ICA1: variants seen among roughly 807,000 people sequenced by gnomAD.
The protein encoded by ICA1 is islet cell autoantigen 1.
ICA1 carries 40 observed loss-of-function variants against 71.0 expected under a neutral mutation model. That is an observed-to-expected ratio of 0.56 (90% CI 0.44 to 0.73). The LOEUF (loss-of-function observed/expected upper bound fraction) is 0.73, where lower values mean the gene tolerates loss of function less well. Ranked by LOEUF, ICA1 falls within the 30% of genes least tolerant of loss-of-function variation. The probability of loss-of-function intolerance (pLI) is 0.00; values close to 1 mark genes in which losing one functional copy is unlikely to be tolerated. For synonymous variants in ICA1, 207 were observed against 209.5 expected (o/e 0.99, Z 0.10); for missense variants, 578 against 576.5 (o/e 1.00, Z -0.03).
intron 1 of ICA1, among the ~76,000 whole-genome samples, chr7:8,247,896 A>G (rs753520642): frequency 1.3e-5 from 2 of 152,192 alleles, no homozygotes; most frequent in Non-Finnish European, 1.5e-5. Flanking sequence ...TCATTCCACT[A>G]TATTGGTATT....
Position 8,222,455 on chromosome 7 carries a change from T to C in ICA1, c.257-1057A>G, listed in dbSNP as rs535857564. Among the ~76,000 whole-genome samples the C allele has an allele frequency of 3.9e-4, 59 of 152,336 alleles. No homozygotes were observed. The South Asian group carries it at 0.012, about 30-fold the overall frequency. On this transcript the variant is annotated intron_variant, in intron 4 of 13. Coordinates refer to ENST00000402384, the MANE Select transcript of ICA1 (RefSeq NM_001136020.3). This position sits in a 1 kb window ranked among gnomAD's most constrained non-coding sequence, Gnocchi z 4.8. Reference sequence around the variant, plus strand: ...ATACCCTGTGTCTCTAAAACTGCTTTCTAAATGCTACTAGGATTCTTGTCA... The same window carrying C: ...ATACCCTGTGTCTCTAAAACTGCTTCCTAAATGCTACTAGGATTCTTGTCA...
chr7:8,142,176 T>C (rs1795474203), intron 9 of ICA1: 6 of 446,138 alleles, frequency 1.3e-5, no homozygotes, highest in South Asian at 1.2e-4. Flanking sequence ...TTCTGATTCC[T>C]AGTGTTATAG....
intron 1 of ICA1, among the ~76,000 whole-genome samples, chr7:8,249,862 T>C (rs1456432706): frequency 6.6e-6 from 1 of 152,226 alleles, no homozygotes; most frequent in Non-Finnish European, 1.5e-5. Context: ...TGATCTGAAG[T>C]GATGCAGGTA....
chr7:8,182,728 C>T (rs2128270016), intron 6 of ICA1, among the ~76,000 whole-genome samples: 1 of 152,304 alleles, frequency 6.6e-6, no homozygotes, highest in South Asian at 2.1e-4. Context: ...TTTTTAAAAA[C>T]ATTTTGTCTT....
chr7:8,238,399 CT>C (rs1434982118), intron 1 of ICA1, among the ~76,000 whole-genome samples: 2 of 152,078 alleles, frequency 1.3e-5, no homozygotes, highest in Non-Finnish European at 2.9e-5. Context: ...TGTTGTGCAT[CT>C]TTTCATATTT....
intron 9 of ICA1, among the ~76,000 whole-genome samples, chr7:8,142,226 G>A (rs1024080854): frequency 5.3e-5 from 8 of 152,220 alleles, no homozygotes; most frequent in African/African-American, 1.9e-4. Context: ...TACAGAGGCT[G>A]CAGGCAGGAC....
At chr7:8,205,447 C>T (rs1791184581) in intron 6 of ICA1, among the ~76,000 whole-genome samples, 1 of 152,184 alleles carries the variant, frequency 6.6e-6, no homozygotes. Flanking sequence ...CTGACTTTAA[C>T]ACATACACTT....
chr7:8,181,040 G>T (rs994830513), intron 6 of ICA1, among the ~76,000 whole-genome samples: 5 of 151,952 alleles, frequency 3.3e-5, no homozygotes, highest in African/African-American at 4.8e-5. Flanking sequence ...ATCCTGTTAA[G>T]AACTCTTTAT....
At chr7:8,183,610 C>A (rs1157763033) in intron 6 of ICA1, among the ~76,000 whole-genome samples, 1 of 152,148 alleles carries the variant, frequency 6.6e-6, no homozygotes, top group Admixed American at 6.5e-5. Context: ...GCCTTTGTAA[C>A]CCTGAGCAAG....
At chr7:8,220,582 G>A (rs1796734144) in intron 5 of ICA1, among the ~76,000 whole-genome samples, 1 of 152,198 alleles carries the variant, frequency 6.6e-6, no homozygotes, top group Non-Finnish European at 1.5e-5. Flanking sequence ...TTTCTCAGGC[G>A]CAGAGAGTGA....
intron 1 of ICA1, among the ~76,000 whole-genome samples, chr7:8,244,294 A>G (rs1805097903): frequency 6.6e-6 from 1 of 152,256 alleles, no homozygotes; most frequent in African/African-American, 2.4e-5. Context: ...TCTGACAAAA[A>G]CAAGAAATGG....
intron 6 of ICA1, among the ~76,000 whole-genome samples, chr7:8,169,041 A>G (rs1272147807): frequency 6.6e-6 from 1 of 152,094 alleles, no homozygotes; most frequent in Non-Finnish European, 1.5e-5. Flanking sequence ...CCTGCCAACT[A>G]CTAATCTGAC....
At chr7:8,256,500 C>G (rs1054598869) in intron 1 of ICA1, among the ~76,000 whole-genome samples, 9 of 152,180 alleles carry the variant, frequency 5.9e-5, no homozygotes, top group African/African-American at 2.2e-4. Context: ...TGCCCTCCCC[C>G]TCCTTTGTCT....
intron 6 of ICA1, among the ~76,000 whole-genome samples, chr7:8,207,303 C>T (rs1583239003): frequency 6.6e-6 from 1 of 152,190 alleles, no homozygotes; most frequent in East Asian, 1.9e-4. Flanking sequence ...CTGATTAATG[C>T]ATGTGGGAAT....
intron 6 of ICA1, among the ~76,000 whole-genome samples, chr7:8,195,067 G>A (rs142692472): frequency 1.8e-4 from 27 of 152,274 alleles, no homozygotes; most frequent in African/African-American, 5.8e-4. Context: ...CAAAATATAT[G>A]AATAGATACT....
chr7:8,146,543 C>T (rs2128140226), intron 8 of ICA1, among the ~76,000 whole-genome samples: 1 of 152,094 alleles, frequency 6.6e-6, no homozygotes, highest in Middle Eastern at 3.4e-3. Flanking sequence ...GCTCTGTCTC[C>T]CTAATGCATG....
chr7:8,129,680 T>C (rs915718357), intron 12 of ICA1, among the ~76,000 whole-genome samples: 4 of 152,240 alleles, frequency 2.6e-5, no homozygotes, highest in African/African-American at 7.2e-5. Flanking sequence ...TTAAACAGGC[T>C]TCTGAGACAG....
chr7:8,122,182 G>A (rs1446325682), intron 13 of ICA1, among the ~76,000 whole-genome samples: 1 of 152,166 alleles, frequency 6.6e-6, no homozygotes, highest in Non-Finnish European at 1.5e-5. Context: ...CGGGTGCACT[G>A]AAGCTTCATA....
chr7:8,194,905 TTTATG>T (rs1001170993), intron 6 of ICA1, among the ~76,000 whole-genome samples: 8 of 152,222 alleles, frequency 5.3e-5, no homozygotes, highest in African/African-American at 1.9e-4. Context: ...AAAAAATTTT[TTTATG>T]TTGAGTTGAA....
Sources: gnomAD v4.1 joint callset for allele counts (sites outside exome capture counted in the v4.1 genomes callset) on GRCh38, gnomAD v4.1.1 for gene constraint, Gnocchi (gnomAD v3.1) non-coding constraint, MANE v1.5 for transcripts, NCBI Gene and HGNC (gene_info 2026-07-23, HGNC 2026-07-21) for gene names.